The following MGRN1 variants were observed in gnomAD, a reference collection of about 807,000 sequenced individuals.
The protein encoded by MGRN1 is E3 ubiquitin-protein ligase MGRN1.
MGRN1 carries 29 observed loss-of-function variants against 69.2 expected under a neutral mutation model. The ratio of observed to expected loss-of-function variants is 0.42; its 90% CI spans 0.31 to 0.57. The LOEUF is 0.57. Ranked by LOEUF, MGRN1 falls within the 20% of genes least tolerant of loss-of-function variation. The pLI, the probability that MGRN1 is intolerant of heterozygous loss-of-function variation, is 0.15. For synonymous variants in MGRN1, 470 were observed against 344.2 expected (o/e 1.37, Z -4.04); for missense variants, 998 against 796.2 (o/e 1.25, Z -3.05).
intron 5 of MGRN1, chr16:4,664,466 C>G: frequency 3.5e-6 from 2 of 571,372 alleles, no homozygotes; most frequent in South Asian, 2.1e-5. Context: ...TATAGATGTA[C>G]TTTACTCAAC....
intron 8 of MGRN1, chr16:4,669,048 TCA>T (rs569920582): frequency 6.6e-6 from 1 of 152,034 alleles, no homozygotes; most frequent in Non-Finnish European, 1.5e-5. Context: ...ACACATATAC[TCA>T]CACACACTTA....
At chr16:4,683,807 T>C (rs1332357100) in intron 15 of MGRN1, 36 bp from the exon 16 acceptor site, 1 of 1,595,756 alleles carries the variant, frequency 6.3e-7, no homozygotes, top group East Asian at 2.2e-5. Context: ...ACCTGGCCCC[T>C]GCCTGTAGGT....
chr16:4,688,125 G>A (rs763121825), intron 16 of MGRN1: 310 of 985,476 alleles, frequency 3.1e-4, no homozygotes, highest in Non-Finnish European at 3.4e-4. Flanking sequence ...GGCCTGGGCC[G>A]TGTCTGCTGG....
chr16:4,673,718 C>T (rs983953002), intron 10 of MGRN1, 61 bp downstream of exon 10: 256 of 1,581,866 alleles, frequency 1.6e-4, no homozygotes, highest in Non-Finnish European at 2.1e-4. Context: ...GGCCACACCA[C>T]GGTGGTCCTG....
intron 1 of MGRN1, chr16:4,639,862 C>T (rs1026415700): frequency 1.3e-5 from 2 of 152,242 alleles, no homozygotes; most frequent in African/African-American, 4.8e-5. Flanking sequence ...GCGTGGAGTT[C>T]AGGCACAGGC....
chr16:4,679,634 A>C (rs1275058390), intron 11 of MGRN1, among the ~76,000 whole-genome samples: 1 of 152,162 alleles, frequency 6.6e-6, no homozygotes, highest in Admixed American at 6.5e-5. Flanking sequence ...GTGCCTGGGC[A>C]CCGGCTGGCT....
chr16:4,639,509 G>A (rs1425790441), intron 1 of MGRN1, among the ~76,000 whole-genome samples: 3 of 152,182 alleles, frequency 2.0e-5, no homozygotes, highest in East Asian at 1.9e-4. Flanking sequence ...GGAAGGTCAG[G>A]AGGAAGCCTG....
At chr16:4,650,317 CAAAAAAAAA>C in intron 1 of MGRN1, 39 bp from the exon 2 acceptor site, 1 of 1,219,410 alleles carries the variant, frequency 8.2e-7, no homozygotes, top group Non-Finnish European at 1.1e-6. Context: ...GACTCTGTCT[CAAAAAAAAA>C]AAAAAAAAAT....
chr16:4,632,157 C>T (rs773361983), intron 1 of MGRN1, among the ~76,000 whole-genome samples: 6 of 151,154 alleles, frequency 4.0e-5, no homozygotes, highest in African/African-American at 1.5e-4. Flanking sequence ...GCTGGGACTA[C>T]AGGTGCATGC....
intron 4 of MGRN1, among the ~76,000 whole-genome samples, chr16:4,655,973 G>A (rs2078528251): frequency 6.6e-6 from 1 of 152,240 alleles, no homozygotes; most frequent in African/African-American, 2.4e-5. Flanking sequence ...CTCCAACCAT[G>A]CTGGGCTCTG....
Position 4,665,123 on chromosome 16 carries a change from C to G in MGRN1, c.650C>G (p.Ala217Gly), listed in dbSNP as rs2078772012. Residue 217 changes from alanine to glycine, a missense_variant, in exon 7 of 17, where the codon GCC becomes GGC. Ala to Gly is a moderately conservative substitution (Grantham distance 60). Coordinates refer to ENST00000262370, the MANE Select transcript of MGRN1 (RefSeq NM_015246.4). The stretch of plus-strand genomic sequence containing the variant: ...GCAGTGGTGGAAGTGACTGGCCACG[C>G]CCACGTGCTCTTGGCTGCCTTTGAA... ...EGDVVEVTGH[A>G]HVLLAAFEKH... is the part of the protein sequence containing the mutation. The G allele has an allele frequency of 6.2e-7, 1 of 1,614,114 alleles. No individual in the cohort carries two copies. Among genetic ancestry groups the G allele is most frequent in the African/African-American group, 1.3e-5 (1 of 74,936 alleles).
At chr16:4,670,123 G>A (rs564065801) in intron 8 of MGRN1, among the ~76,000 whole-genome samples, 1 of 152,240 alleles carries the variant, frequency 6.6e-6, no homozygotes, top group East Asian at 1.9e-4. Context: ...GGAATGCAGT[G>A]GCGCGATCTC....
intron 6 of MGRN1, 93 bp downstream of exon 6, chr16:4,664,868 A>T: frequency 6.5e-7 from 1 of 1,528,900 alleles, no homozygotes; most frequent in South Asian, 1.1e-5. Flanking sequence ...GTGATGAAGC[A>T]GGCCAGGCAT....
rs529587172 is a variant in MGRN1 at position 4,680,172 on chromosome 16, C to A, written c.1131+75C>A. The A allele has an allele frequency of 7.0e-6, 10 of 1,418,558 alleles. No individual in the cohort carries two copies. In the South Asian group the frequency reaches 9.5e-5, roughly 13 times the overall value. 87.9% of individuals were successfully genotyped at this position (1,418,558 alleles called of 1,614,324 possible). On this transcript the variant is annotated intron_variant, in intron 12 of 16. Coordinates refer to ENST00000262370, the MANE Select transcript of MGRN1 (RefSeq NM_015246.4). Reference sequence around the variant, plus strand: ...TAAACCCACGACAAGTAGGGGAGATCGTTTCCGCCCCAGGCTAGTGTCTGA... The same window carrying A: ...TAAACCCACGACAAGTAGGGGAGATAGTTTCCGCCCCAGGCTAGTGTCTGA...
At chr16:4,683,795 G>A in intron 15 of MGRN1, 48 bp from the exon 16 acceptor site, 3 of 1,564,720 alleles carry the variant, frequency 1.9e-6, no homozygotes, top group Non-Finnish European at 2.6e-6. Context: ...GGACCTGCCG[G>A]GACCTGGCCC....
intron 5 of MGRN1, among the ~76,000 whole-genome samples, chr16:4,660,293 C>T (rs1280968029): frequency 2.0e-5 from 3 of 152,212 alleles, no homozygotes; most frequent in South Asian, 4.1e-4. Flanking sequence ...AGCAGTCCCT[C>T]GCAGGGTGGC....
At chr16:4,657,797 G>A (rs1194551545) in intron 5 of MGRN1, among the ~76,000 whole-genome samples, 1 of 130,014 alleles carries the variant, frequency 7.7e-6, no homozygotes, top group Non-Finnish European at 1.5e-5. Flanking sequence ...CCAGGCTGCA[G>A]TGCAGTGGCG....
chr16:4,689,175 C>CCCAGCA lies in MGRN1; in HGVS notation c.*267_*268insCCAGCA. On this transcript the variant is annotated 3_prime_UTR_variant, in exon 17 of 17. Coordinates refer to ENST00000262370, the MANE Select transcript of MGRN1 (RefSeq NM_015246.4). Reference sequence around the variant, plus strand: ...TTCAGAGCCCCCGTTCCCCAGGGTCCTGTGGGCTGAGCGGCTGGGGCTGGG... The same window carrying CCCAGCA: ...TTCAGAGCCCCCGTTCCCCAGGGTCCCCAGCATGTGGGCTGAGCGGCTGGGGCTGGG... 2.2e-6 allele frequency: 1 copy of CCCAGCA among 445,026 alleles called. No homozygotes were observed. Among genetic ancestry groups the CCCAGCA allele is most frequent in the East Asian group, 3.8e-5 (1 of 26,060 alleles). The allele number at this position is 445,026 out of a possible 1,614,324, so 27.6% of individuals were successfully genotyped here.
In MGRN1 at chr16:4,673,542, G is replaced by A. The variant is rs748140187; in HGVS notation, c.840G>A (p.Val280=). Reference sequence around the variant, plus strand: ...GCGACAACAGCAACGAGTGTGTGGTGTGCCTGTCCGACCTGCGGGACACGC... The same window carrying A: ...GCGACAACAGCAACGAGTGTGTGGTATGCCTGTCCGACCTGCGGGACACGC... ...ENSDNSNECV[V]CLSDLRDTLI... Residue 280 remains valine, a synonymous_variant, in exon 10 of 17, where the codon GTG becomes GTA. Transcript: ENST00000262370. 6 of 1,613,712 alleles carry A rather than the reference G, an allele frequency of 3.7e-6. No homozygotes were observed. The highest frequency in any genetic ancestry group is 3.4e-6 in the Non-Finnish European group (4 of 1,179,994).
Sources: gnomAD v4.1 joint callset for allele counts (sites outside exome capture counted in the v4.1 genomes callset) on GRCh38, gnomAD v4.1.1 for gene constraint, MANE v1.5 for transcripts, NCBI Gene and HGNC (gene_info 2026-07-23, HGNC 2026-07-21) for gene names.